Variants in RGS6 observed in about 807,000 individuals in gnomAD.
The protein encoded by RGS6 is regulator of G protein signaling 6, also known as regulator of G-protein signaling 6.
Under a neutral mutation model 78.5 loss-of-function variants are expected in RGS6, and 30 were observed. The ratio of observed to expected loss-of-function variants is 0.38; its 90% CI spans 0.29 to 0.52. RGS6 has a LOEUF of 0.52. Among genes scored for constraint, RGS6 ranks in the 20% least tolerant of loss-of-function variants. The pLI is 0.85. For missense variants in RGS6, 495 were observed against 609.7 expected (o/e 0.81, Z 1.98); for synonymous variants, 206 against 206.0 (o/e 1.00, Z 0.00).
At position 72,186,113 on chromosome 14, in the gene RGS6, C is replaced by T. The variant is rs543840683; in HGVS notation, c.85-165982C>T. Among the ~76,000 whole-genome samples, 13 of 152,286 alleles carry T rather than the reference C, an allele frequency of 8.5e-5. No individual in the cohort carries two copies. In the South Asian group the frequency reaches 1.7e-3, roughly 19 times the overall value. On this transcript the variant is annotated intron_variant, in intron 2 of 17. Coordinates refer to ENST00000553525, the MANE Select transcript of RGS6 (RefSeq NM_001204424.2). ...GTGGAGGGTGTTGAAGATTTGAGTC[C>T]GGTGCCTTTGACCCCAAAGCCTATG...
chr14:72,209,708 C>G (rs2043578458), intron 2 of RGS6, among the ~76,000 whole-genome samples: 1 of 152,182 alleles, frequency 6.6e-6, no homozygotes, highest in African/African-American at 2.4e-5. Context: ...ATTTTTTGTG[C>G]TTGGCTCCCT....
intron 13 of RGS6, among the ~76,000 whole-genome samples, chr14:72,496,849 T>TACATACACACACACACACACAC (rs1177821768): frequency 4.9e-4 from 74 of 152,300 alleles, no homozygotes; most frequent in African/African-American, 1.7e-3. Flanking sequence ...CCCAAATATG[T>TACATACACACACACACACACAC]ACATATATAT....
chr14:72,211,266 G>C (rs926711161), intron 2 of RGS6, among the ~76,000 whole-genome samples: 2 of 152,156 alleles, frequency 1.3e-5, no homozygotes, highest in Non-Finnish European at 2.9e-5. Flanking sequence ...AGGAAGACGA[G>C]GTCAACAGTG....
In RGS6 at chr14:72,431,093, A is replaced by C. The variant is rs111239712; in HGVS notation, c.185-23435A>C. On this transcript the variant is annotated intron_variant, in intron 3 of 17. Transcript: ENST00000553525. ...CAAACATTTATTAAGCATGTATACT[A>C]TACAGGGCTGCAAAAGTCCATATGT... Among the ~76,000 whole-genome samples the C allele has an allele frequency of 2.7e-3, 416 of 152,294 alleles. 5 individuals carry two copies. Among genetic ancestry groups the C allele is most frequent in the African/African-American group, 9.7e-3 (402 of 41,544 alleles).
the RGS6 span, among the ~76,000 whole-genome samples, chr14:71,903,363 T>A: frequency 1.3e-5 from 2 of 152,248 alleles, no homozygotes; most frequent in Admixed American, 1.3e-4. Flanking sequence ...TGATAAATCC[T>A]ACTTGGCTAA....
chr14:72,531,550 C>G (rs1055092122), intron 15 of RGS6, among the ~76,000 whole-genome samples: 7 of 151,748 alleles, frequency 4.6e-5, no homozygotes, highest in African/African-American at 1.7e-4. Context: ...GAGGGTATCT[C>G]AGGAAGAATA....
chr14:72,026,402 A>G (rs11850132), intron 2 of RGS6, among the ~76,000 whole-genome samples: 19,871 of 152,026 alleles, frequency 0.13, 1,349 homozygotes, highest in East Asian at 0.17. Flanking sequence ...CAGAGACTCC[A>G]TCTCAAAAAG....
In RGS6 at chr14:72,390,274, T is replaced by C. The variant is rs572221577; in HGVS notation, c.184+38080T>C. Among the ~76,000 whole-genome samples, 3 of 152,186 alleles carry C rather than the reference T, an allele frequency of 2.0e-5. No homozygotes were observed. In the South Asian group the frequency reaches 6.2e-4, roughly 32 times the overall value. ...CACCACGCCCAGTTAATTTTTGTAT[T>C]TTTAGTAGAGACGGGGTTTTGCCAT... On this transcript the variant is annotated intron_variant, in intron 3 of 17. Coordinates refer to ENST00000553525, the MANE Select transcript of RGS6 (RefSeq NM_001204424.2).
chr14:72,577,371 G>A, the RGS6 span, among the ~76,000 whole-genome samples: 1 of 152,190 alleles, frequency 6.6e-6, no homozygotes, highest in East Asian at 1.9e-4. Flanking sequence ...GCATTCTCTC[G>A]TTTAAACATA....
intron 2 of RGS6, among the ~76,000 whole-genome samples, chr14:72,087,447 T>C (rs1319711279): frequency 6.6e-6 from 1 of 152,088 alleles, no homozygotes; most frequent in Non-Finnish European, 1.5e-5. Context: ...CATATATATA[T>C]ATACTTTTTT....
intron 2 of RGS6, among the ~76,000 whole-genome samples, chr14:72,092,059 T>A (rs2153503533): frequency 6.6e-6 from 1 of 150,998 alleles, no homozygotes; most frequent in East Asian, 2.0e-4. Flanking sequence ...TCTCTCTCTC[T>A]CTGCTGCCCA....
chr14:71,927,354 AT>A, the RGS6 span, among the ~76,000 whole-genome samples: 1 of 152,228 alleles, frequency 6.6e-6, no homozygotes, highest in African/African-American at 2.4e-5. Context: ...ATATAAACAC[AT>A]TCATTCTCAG....
At chr14:72,590,514 G>C in the RGS6 span, among the ~76,000 whole-genome samples, 1 of 152,096 alleles carries the variant, frequency 6.6e-6, no homozygotes, top group Admixed American at 6.5e-5. Flanking sequence ...GGGAAAAAAA[G>C]CCAGACATAA....
intron 2 of RGS6, among the ~76,000 whole-genome samples, chr14:72,129,161 G>C (rs896698655): frequency 1.3e-5 from 2 of 152,184 alleles, no homozygotes; most frequent in Non-Finnish European, 2.9e-5. Context: ...AGGGGAACTT[G>C]AGTTGAATCT....
chr14:72,079,665 TTG>T (rs1177044225), intron 2 of RGS6, among the ~76,000 whole-genome samples: 2 of 152,146 alleles, frequency 1.3e-5, no homozygotes, highest in African/African-American at 2.4e-5. Flanking sequence ...CTGAAATTTT[TTG>T]TCCTTTACCC....
At position 72,562,957 on chromosome 14, in the gene RGS6, C is replaced by T. The variant is rs1221019128; in HGVS notation, c.*490C>T. Reference sequence around the variant, plus strand: ...GTTACAGCCACTACATCCCCACCGCCGCCTGTCATCCCTCACGTCTCTGTG... The same window carrying T: ...GTTACAGCCACTACATCCCCACCGCTGCCTGTCATCCCTCACGTCTCTGTG... On this transcript the variant is annotated 3_prime_UTR_variant, in exon 18 of 18. Coordinates refer to ENST00000553525, the MANE Select transcript of RGS6 (RefSeq NM_001204424.2). 3.7e-5 allele frequency: 23 copies of T among 615,664 alleles called. No individual in the cohort carries two copies. Among genetic ancestry groups the T allele is most frequent in the South Asian group, 9.4e-5 (5 of 53,264 alleles). The allele number at this position is 615,664 out of a possible 1,614,324, so 38.1% of individuals were successfully genotyped here.
the RGS6 span, among the ~76,000 whole-genome samples, chr14:72,619,580 A>C: frequency 6.6e-6 from 1 of 152,160 alleles, no homozygotes; most frequent in Admixed American, 6.5e-5. Context: ...CCTCACTACT[A>C]GCGTCATGCC....
At chr14:72,306,217 C>A (rs577778619) in intron 2 of RGS6, among the ~76,000 whole-genome samples, 1 of 152,316 alleles carries the variant, frequency 6.6e-6, no homozygotes, top group South Asian at 2.1e-4. Flanking sequence ...TTTAAGACCA[C>A]TGTTGAGACC....
At chr14:72,310,957 CA>C (rs1401541310) in intron 2 of RGS6, among the ~76,000 whole-genome samples, 2 of 152,218 alleles carry the variant, frequency 1.3e-5, no homozygotes, top group Admixed American at 6.5e-5. Flanking sequence ...GAAATTAAAA[CA>C]GGTATTCATC....
Sources: allele counts gnomAD v4.1 joint callset (sites outside exome capture counted in the v4.1 genomes callset), GRCh38; gene constraint gnomAD v4.1.1; transcripts MANE v1.5; gene names NCBI Gene and HGNC (gene_info 2026-07-23, HGNC 2026-07-21).